The following ADRM1 variants were observed in gnomAD, a reference collection of about 807,000 sequenced individuals.
ADRM1 encodes the protein ADRM1 26S proteasome ubiquitin receptor.
In ADRM1, 2 loss-of-function variants were observed where a neutral mutation model predicts 40.1. The observed-to-expected ratio is 0.05, with a 90% CI of 0.02 to 0.16. The LOEUF is 0.16. Among genes scored for constraint, ADRM1 ranks in the 10% least tolerant of loss-of-function variants. The pLI is 1.00. For synonymous variants in ADRM1, 287 were observed against 240.4 expected, an observed-to-expected ratio of 1.19 and a Z score of -1.79; for missense variants, 467 against 552.5, an observed-to-expected ratio of 0.85 and a Z score of 1.55.
chr20:62,308,272 C>CT, intron 8 of ADRM1, 94 bp downstream of exon 8: 2 of 1,535,350 alleles, frequency 1.3e-6, no homozygotes, highest in African/African-American at 2.7e-5. Context: ...ATGGCCAGTG[C>CT]TTCATGTGCC....
chr20:62,306,627 C>T, intron 4 of ADRM1, 21 bp from the exon 5 acceptor site: 1 of 1,593,798 alleles, frequency 6.3e-7, no homozygotes, highest in Non-Finnish European at 8.5e-7. Context: ...GCAGGCCCGC[C>T]TGAGCTGCAG....
intron 3 of ADRM1, chr20:62,305,839 A>G: frequency 4.0e-6 from 1 of 251,464 alleles, no homozygotes. Context: ...GGTTGAAGGA[A>G]GGAGACGGGT....
rs1159315719 is a variant in ADRM1, at chr20:62,307,380, G to A, written c.551G>A (p.Gly184Glu). ...PAGLGGLGGL[G>E]ALTGPGLASL... The stretch of plus-strand genomic sequence containing the variant: ...TCCTTGCCCCTCGCAGGTGGGCTGG[G>A]GGCCCTGACTGGACCTGGCCTGGCC... Residue 184 changes from glycine (G) to glutamate (E), a missense_variant, in exon 6 of 10, where the codon GGG becomes GAG. Gly to Glu is a moderately conservative substitution (Grantham distance 98). Around this residue, in one of 3 missense-constraint regions of ADRM1, gnomAD observed 418 missense variants for 474.6 expected, o/e 0.88. Transcript: ENST00000253003. 6.3e-7 allele frequency: 1 copy of A among 1,599,780 alleles called. No individual in the cohort carries two copies.
intron 8 of ADRM1, 88 bp from the exon 9 acceptor site, chr20:62,308,280 G>T: frequency 6.5e-7 from 1 of 1,537,172 alleles, no homozygotes; most frequent in East Asian, 2.4e-5. Context: ...TGCTTCATGT[G>T]CCTGACCCGC....
Position 62,306,707 on chromosome 20 carries a change from A to G in ADRM1, c.514A>G (p.Ile172Val), listed in dbSNP as rs753336958. 1.2e-6 allele frequency: 2 copies of G among 1,609,460 alleles called. No individual in the cohort carries two copies. The highest frequency in any genetic ancestry group is 1.7e-6 in the Non-Finnish European group (2 of 1,178,278). The change falls in exon 5 of 10, where the codon ATC becomes GTC. Residue 172 changes from isoleucine to valine, a missense_variant. By Grantham distance (29) the Ile-to-Val change is conservative (BLOSUM62 3). Around this residue, in one of 3 missense-constraint regions of ADRM1, gnomAD observed 418 missense variants for 474.6 expected, o/e 0.88. Coordinates refer to ENST00000253003, the MANE Select transcript of ADRM1 (RefSeq NM_007002.4). ...GAGCCACAGCCAGCTCATGCAGCTC[A>G]TCGGACCAGCCGGCCTTGGAGGACT... ...NMSHSQLMQLIGPAGLGGLGG... is the reference protein window; with the variant it reads ...NMSHSQLMQLVGPAGLGGLGG...
At position 62,303,874 on chromosome 20, in the gene ADRM1, C is replaced by T. The variant is rs1194132399; in HGVS notation, c.213+93C>T. ...GTTCGCGGTGGGGGCTTGGCCGCAT[C>T]TGGGGACCGCTCGTGGGGCCGTCAT... On this transcript the variant is annotated intron_variant, in intron 2 of 9. Transcript: ENST00000253003. 9 of 1,284,642 alleles carry T rather than the reference C, an allele frequency of 7.0e-6. No homozygotes were observed. In the East Asian group the frequency reaches 7.2e-5, roughly 10 times the overall value. 79.6% of individuals were successfully genotyped at this position (1,284,642 alleles called of 1,614,324 possible).
chr20:62,307,750 C>G lies in ADRM1; in HGVS notation c.778C>G (p.Gln260Glu), dbSNP rs1985312993. Reference protein sequence around the residue: ...NGASTAASPTQPIQLSDLQSI... With the variant: ...NGASTAASPTEPIQLSDLQSI... Reference sequence around the variant, plus strand: ...AGCCAGCACAGCAGCCAGCCCGACCCAGCCCATCCAGCTGAGCGACCTCCA... The same window carrying G: ...AGCCAGCACAGCAGCCAGCCCGACCGAGCCCATCCAGCTGAGCGACCTCCA... The change falls in exon 7 of 10, where the codon CAG becomes GAG. Residue 260 changes from glutamine to glutamate, a missense_variant. Transcript: ENST00000253003. The G allele has an allele frequency of 6.2e-7, 1 of 1,611,886 alleles. No homozygotes were observed. Among genetic ancestry groups the G allele is most frequent in the Non-Finnish European group, 8.5e-7 (1 of 1,179,780 alleles).
In ADRM1 at chr20:62,307,414, G is replaced by GGGGAGCAGTGGGCCTCCA; in HGVS notation, c.594_611dup (p.Gly199_Ser204dup). ...CTGGACCTGGCCTGGCCAGCTTACT[G>GGGGAGCAGTGGGCCTCCA]GGGAGCAGTGGGCCTCCAGGGAGCA... On this transcript the variant is annotated inframe_insertion, in exon 6 of 10. Coordinates refer to ENST00000253003, the MANE Select transcript of ADRM1 (RefSeq NM_007002.4). 6.2e-7 allele frequency: 1 copy of GGGGAGCAGTGGGCCTCCA among 1,606,484 alleles called. No homozygotes were observed. The highest frequency in any genetic ancestry group is 1.1e-5 in the South Asian group (1 of 90,556).
intron 2 of ADRM1, chr20:62,304,197 G>C (rs1314159772): frequency 3.8e-6 from 2 of 520,956 alleles, no homozygotes; most frequent in African/African-American, 1.9e-5. Context: ...ACTACTCTGG[G>C]AATGTTGTTT....
At chr20:62,306,881 G>A (rs1047168079) in intron 5 of ADRM1, 147 bp downstream of exon 5, 17 of 839,626 alleles carry the variant, frequency 2.0e-5, no homozygotes, top group African/African-American at 1.0e-4. Flanking sequence ...TTGGGAATGC[G>A]CTTGTTTGCC....
chr20:62,304,376 A>T, intron 2 of ADRM1, 85 bp from the exon 3 acceptor site: 1 of 1,192,878 alleles, frequency 8.4e-7, no homozygotes, highest in Non-Finnish European at 1.2e-6. Context: ...CCACCCGGTT[A>T]GACCCAGGGC....
chr20:62,306,575 AG>A (rs1985003730), intron 4 of ADRM1, 72 bp from the exon 5 acceptor site: 1 of 1,450,236 alleles, frequency 6.9e-7, no homozygotes, highest in African/African-American at 1.4e-5. Context: ...TGCTCAGCAG[AG>A]GCGCAGGCAG....
intron 2 of ADRM1, 59 bp from the exon 3 acceptor site, chr20:62,304,402 G>T (rs1984585710): frequency 6.8e-7 from 1 of 1,474,186 alleles, no homozygotes. Context: ...ACGCTCTCCT[G>T]AGACTGGGCA....
chr20:62,303,539 G>T (rs775976238), intron 1 of ADRM1, 29 bp from the exon 2 acceptor site: 1 of 1,545,254 alleles, frequency 6.5e-7, no homozygotes, highest in South Asian at 1.2e-5. Flanking sequence ...AGTGACCGCC[G>T]CGTCTCAGCG....
rs1985201097 is a variant in ADRM1, at chr20:62,307,422, G to A, written c.593G>A (p.Ser198Asn). ...GGCCTGGCCAGCTTACTGGGGAGCA[G>A]TGGGCCTCCAGGGAGCAGCTCCTCC... ...GPGLASLLGS[S>N]GPPGSSSSSS... The change falls in exon 6 of 10, where the codon AGT (serine) becomes AAT (asparagine). Residue 198 changes from serine to asparagine, a missense_variant. Transcript: ENST00000253003. 6.2e-7 allele frequency: 1 copy of A among 1,608,546 alleles called. No homozygotes were observed.
In ADRM1 at chr20:62,308,660, G is replaced by C; in HGVS notation, c.1123G>C (p.Glu375Gln). 6.2e-7 allele frequency: 1 copy of C among 1,613,016 alleles called. No individual in the cohort carries two copies. The highest frequency in any genetic ancestry group is 8.5e-7 in the Non-Finnish European group (1 of 1,179,954). ...AVEAANKGDV[E>Q]AFAKAMQNNA... Reference sequence around the variant, plus strand: ...GTGTCTTTAACGTGTTCTAGATGTGGAAGCGTTTGCCAAAGCCATGCAGAA... The same window carrying C: ...GTGTCTTTAACGTGTTCTAGATGTGCAAGCGTTTGCCAAAGCCATGCAGAA... The change falls in exon 10 of 10, where the codon GAA becomes CAA. Residue 375 changes from glutamate (E) to glutamine (Q), a missense_variant. Coordinates refer to ENST00000253003, the MANE Select transcript of ADRM1 (RefSeq NM_007002.4).
intron 7 of ADRM1, 65 bp from the exon 8 acceptor site, chr20:62,307,956 T>TC (rs1210700047): frequency 3.2e-6 from 5 of 1,570,344 alleles, no homozygotes; most frequent in Non-Finnish European, 4.3e-6. Flanking sequence ...GAGTCCCTGC[T>TC]TGCATGCCTT....
chr20:62,306,314 C>G lies in ADRM1; in HGVS notation c.448C>G (p.Leu150Val). Residue 150 changes from leucine to valine, a missense_variant, in exon 4 of 10, where the codon CTA (leucine) becomes GTA (valine). By Grantham distance (32) the Leu-to-Val change is conservative. This residue lies in a region of ADRM1 where 418 missense variants were observed against 474.6 expected (regional missense o/e 0.88). Coordinates refer to ENST00000253003, the MANE Select transcript of ADRM1 (RefSeq NM_007002.4). ...AAGCAGCGGCCACGAACTCTCTGCG[C>G]TAGGCGGTAACTGTCACATGTGTCA... The part of the protein sequence containing the change: ...SGSSGHELSA[L>V]GGEGGLQSLL... 1 of 1,612,822 alleles carries G rather than the reference C, an allele frequency of 6.2e-7. No individual in the cohort carries two copies. The highest frequency in any genetic ancestry group is 8.5e-7 in the Non-Finnish European group (1 of 1,179,874).
At chr20:62,304,924 T>C (rs1163512864) in intron 3 of ADRM1, among the ~76,000 whole-genome samples, 1 of 152,226 alleles carries the variant, frequency 6.6e-6, no homozygotes, top group Admixed American at 6.5e-5. Flanking sequence ...CCTGTGTGGC[T>C]TCCCTGCTGG....
Sources: gnomAD v4.1 joint callset for allele counts (sites outside exome capture counted in the v4.1 genomes callset) on GRCh38, gnomAD v4.1.1 for gene constraint, gnomAD v4.1.1 regional missense constraint, MANE v1.5 for transcripts, NCBI Gene and HGNC (gene_info 2026-07-23, HGNC 2026-07-21) for gene names.